The following MORC1 variants were observed in gnomAD, a reference collection of about 807,000 sequenced individuals.
MORC1 encodes MORC family CW-type zinc finger 1, also known as MORC family CW-type zinc finger protein 1.
MORC1 carries 59 observed loss-of-function variants against 134.9 expected under a neutral mutation model. The observed-to-expected ratio is 0.44, with a 90% CI of 0.35 to 0.54. The LOEUF (loss-of-function observed/expected upper bound fraction) is 0.54. Among genes scored for constraint, MORC1 ranks in the 20% least tolerant of loss-of-function variants. The pLI is 0.00. For missense variants in MORC1, 947 were observed against 1,134.5 expected (o/e 0.83, Z 2.37); for synonymous variants, 395 against 391.7 (o/e 1.01, Z -0.10).
intron 21 of MORC1, among the ~76,000 whole-genome samples, chr3:108,987,688 T>C (rs1198970423): frequency 6.6e-6 from 1 of 151,870 alleles, no homozygotes; most frequent in Non-Finnish European, 1.5e-5. Context: ...GCCAGGTATA[T>C]CATCACTTTG....
chr3:109,002,051 T>G (rs567174023), intron 20 of MORC1, among the ~76,000 whole-genome samples: 1 of 152,286 alleles, frequency 6.6e-6, no homozygotes, highest in Non-Finnish European at 1.5e-5. Flanking sequence ...AAGGGCAGAG[T>G]TACCTCCTCC....
intron 13 of MORC1, among the ~76,000 whole-genome samples, chr3:109,055,859 T>TG (rs1553756490): frequency 5.3e-5 from 8 of 152,142 alleles, no homozygotes; most frequent in Non-Finnish European, 1.0e-4. Flanking sequence ...AGGAACATAA[T>TG]GCAGGTGCTG....
intron 8 of MORC1, among the ~76,000 whole-genome samples, chr3:109,092,900 T>C (rs1950758893): frequency 1.3e-5 from 2 of 152,206 alleles, no homozygotes; most frequent in South Asian, 4.1e-4. Context: ...AACCTAGCTT[T>C]TGTTGCTATT....
At chr3:108,985,007 G>A (rs946948840) in intron 22 of MORC1, among the ~76,000 whole-genome samples, 2 of 152,200 alleles carry the variant, frequency 1.3e-5, no homozygotes, top group East Asian at 1.9e-4. Flanking sequence ...ATCCAAGAGA[G>A]TGTAGCTTTT....
At chr3:109,091,781 A>T (rs1337773270) in intron 8 of MORC1, among the ~76,000 whole-genome samples, 1 of 152,148 alleles carries the variant, frequency 6.6e-6, no homozygotes, top group Non-Finnish European at 1.5e-5. Flanking sequence ...CTAAAAAAAA[A>T]TTTTTGCTGA....
chr3:109,083,672 A>ATT (rs1429282696), intron 8 of MORC1, among the ~76,000 whole-genome samples: 6 of 152,216 alleles, frequency 3.9e-5, no homozygotes, highest in Non-Finnish European at 7.3e-5. Context: ...CAAGGCCAGC[A>ATT]TTGCCCTGAT....
chr3:108,966,350 A>G (rs564430313), intron 26 of MORC1, among the ~76,000 whole-genome samples: 34 of 152,308 alleles, frequency 2.2e-4, no homozygotes, highest in South Asian at 4.2e-4. Flanking sequence ...GTTTGTGCAA[A>G]GTAAGGAAGG....
chr3:108,983,105 C>T (rs1017379384), intron 23 of MORC1, among the ~76,000 whole-genome samples: 1 of 151,832 alleles, frequency 6.6e-6, no homozygotes, highest in Non-Finnish European at 1.5e-5. Context: ...TGCATACACA[C>T]AAATGTGTTT....
At chr3:108,975,090 A>T (rs1947512209) in intron 24 of MORC1, among the ~76,000 whole-genome samples, 1 of 152,114 alleles carries the variant, frequency 6.6e-6, no homozygotes, top group African/African-American at 2.4e-5. Context: ...ATACAACTCT[A>T]CTCTTTCTAA....
At chr3:109,116,888 T>C (rs1388954237) in intron 1 of MORC1, among the ~76,000 whole-genome samples, 1 of 152,168 alleles carries the variant, frequency 6.6e-6, no homozygotes, top group African/African-American at 2.4e-5. Context: ...ACACCACCAG[T>C]TGAAAATGGT....
Position 108,969,449 on chromosome 3 carries a change from C to A in MORC1, c.2604+220G>T, listed in dbSNP as rs145183660. Among the ~76,000 whole-genome samples, 145 of 152,226 alleles carry A rather than the reference C, an allele frequency of 9.5e-4. 1 individual carries two copies. Among genetic ancestry groups the A allele is most frequent in the African/African-American group, 3.3e-3 (139 of 41,540 alleles). ...TTCCTATTCAAGATACAGTCCTACT[C>A]CAAGTGTTTCATAGCTTTATGTTAT... On this transcript the variant is annotated intron_variant, in intron 26 of 27. Coordinates refer to ENST00000232603, the MANE Select transcript of MORC1 (RefSeq NM_014429.4).
chr3:108,997,820 C>T (rs1948278413), intron 21 of MORC1, among the ~76,000 whole-genome samples: 1 of 151,476 alleles, frequency 6.6e-6, no homozygotes, highest in South Asian at 2.1e-4. Flanking sequence ...TGAGATGTTG[C>T]CTGAAACATG....
At chr3:109,007,364 C>T (rs532182961) in intron 17 of MORC1, among the ~76,000 whole-genome samples, 35 of 152,260 alleles carry the variant, frequency 2.3e-4, no homozygotes, top group African/African-American at 7.0e-4. Context: ...AACTGGGTCT[C>T]GTTTCCAGCC....
chr3:109,019,696 A>G (rs1221871538), intron 17 of MORC1, among the ~76,000 whole-genome samples: 1 of 152,184 alleles, frequency 6.6e-6, no homozygotes, highest in Non-Finnish European at 1.5e-5. Flanking sequence ...GAATCATAAC[A>G]ATCATAGCAT....
At chr3:109,011,278 T>G (rs1038783751) in intron 17 of MORC1, among the ~76,000 whole-genome samples, 2 of 152,190 alleles carry the variant, frequency 1.3e-5, no homozygotes, top group Non-Finnish European at 2.9e-5. Context: ...CTTTACCATT[T>G]TGCATTTTCA....
chr3:108,958,907 T>C lies in MORC1; in HGVS notation c.*58A>G. 7.9e-7 allele frequency: 1 copy of C among 1,265,946 alleles called. No homozygotes were observed. The allele number at this position is 1,265,946 out of a possible 1,614,324, so 78.4% of individuals were successfully genotyped here. ...AACAACAACAAAAAAGAAAAATTTT[T>C]AAAAGAATCTTCCAATTTTCTTATT... On this transcript the variant is annotated 3_prime_UTR_variant, in exon 28 of 28. Transcript: ENST00000232603.
At chr3:108,988,506 A>T (rs1382298047) in intron 21 of MORC1, among the ~76,000 whole-genome samples, 2 of 152,132 alleles carry the variant, frequency 1.3e-5, no homozygotes, top group African/African-American at 4.8e-5. Context: ...TGATGCACTG[A>T]TATATAAGGA....
At chr3:109,098,321 T>C (rs1950865308) in intron 6 of MORC1, among the ~76,000 whole-genome samples, 2 of 152,334 alleles carry the variant, frequency 1.3e-5, no homozygotes, top group Non-Finnish European at 1.5e-5. Flanking sequence ...TTAAGAAAGC[T>C]ATAATTAAGG....
intron 20 of MORC1, among the ~76,000 whole-genome samples, chr3:109,002,908 T>C (rs1472087194): frequency 6.6e-6 from 1 of 152,214 alleles, no homozygotes; most frequent in African/African-American, 2.4e-5. Context: ...TTACTTGTCT[T>C]TTTAAAGTTC....
Sources: gnomAD v4.1 joint callset for allele counts (sites outside exome capture counted in the v4.1 genomes callset) on GRCh38, gnomAD v4.1.1 for gene constraint, MANE v1.5 for transcripts, NCBI Gene and HGNC (gene_info 2026-07-23, HGNC 2026-07-21) for gene names.